The following COL28A1 variants were observed in gnomAD, a reference collection of about 807,000 sequenced individuals.
COL28A1 encodes the protein collagen type XXVIII alpha 1 chain.
COL28A1 carries 161 observed loss-of-function variants against 150.2 expected under a neutral mutation model. That is an observed-to-expected ratio of 1.07 (90% confidence interval 0.94 to 1.22). The LOEUF is 1.22. COL28A1 is among the 50% of genes most tolerant of loss of function. COL28A1 has a pLI of 0.00. For missense variants in COL28A1, 1,617 were observed against 1,388.3 expected, an observed-to-expected ratio of 1.16 and a Z score of -2.62; for synonymous variants, 552 against 469.7, an observed-to-expected ratio of 1.18 and a Z score of -2.26.
intron 27 of COL28A1, among the ~76,000 whole-genome samples, chr7:7,383,227 CA>C (rs1271924787): frequency 6.7e-6 from 1 of 150,274 alleles, no homozygotes; most frequent in Non-Finnish European, 1.5e-5. Context: ...AACTACATTT[CA>C]AAATAATACA....
At chr7:7,433,087 G>A (rs569640678) in intron 23 of COL28A1, among the ~76,000 whole-genome samples, 80 of 152,226 alleles carry the variant, frequency 5.3e-4, no homozygotes, top group Non-Finnish European at 7.9e-4. Flanking sequence ...GTTATGAAGG[G>A]ATAGAGTTTG....
chr7:7,498,362 C>G (rs1360661901), intron 11 of COL28A1, among the ~76,000 whole-genome samples: 1 of 152,136 alleles, frequency 6.6e-6, no homozygotes, highest in Non-Finnish European at 1.5e-5. Context: ...GGTGGACATG[C>G]TCCATTAACC....
At chr7:7,370,083 C>A (rs1781139939) in intron 33 of COL28A1, among the ~76,000 whole-genome samples, 1 of 152,108 alleles carries the variant, frequency 6.6e-6, no homozygotes, top group African/African-American at 2.4e-5. Context: ...GAAGTCAGTT[C>A]CCAGAAGCTT....
At chr7:7,527,139 G>A (rs896356479) in intron 3 of COL28A1, among the ~76,000 whole-genome samples, 1 of 152,142 alleles carries the variant, frequency 6.6e-6, no homozygotes, top group South Asian at 2.1e-4. Flanking sequence ...TTTTGTGTTT[G>A]CTGGAATTTA....
At chr7:7,540,139 T>C (rs549629747), upstream of COL28A1, among the ~76,000 whole-genome samples, 1 of 152,246 alleles carries the variant, frequency 6.6e-6, no homozygotes, top group Non-Finnish European at 1.5e-5. Flanking sequence ...TAGATTGATC[T>C]AGTCCTATCA....
chr7:7,487,163 AC>A (rs1317887785), intron 13 of COL28A1, among the ~76,000 whole-genome samples: 3 of 151,580 alleles, frequency 2.0e-5, no homozygotes, highest in Admixed American at 6.6e-5. Flanking sequence ...TTAAAAAAAA[AC>A]ATTTTAAGAA....
intron 11 of COL28A1, among the ~76,000 whole-genome samples, chr7:7,503,953 T>C (rs551659630): frequency 4.7e-4 from 72 of 152,320 alleles, no homozygotes; most frequent in African/African-American, 1.7e-3. Context: ...AGTGGCAATT[T>C]CATGTCATGT....
chr7:7,431,446 G>A, intron 25 of COL28A1: 1 of 457,354 alleles, frequency 2.2e-6, no homozygotes, highest in Non-Finnish European at 4.6e-6. Context: ...GGTTGGGGTA[G>A]TAATGCTTTC....
chr7:7,407,874 G>T (rs914810119), intron 27 of COL28A1, among the ~76,000 whole-genome samples: 14 of 152,060 alleles, frequency 9.2e-5, no homozygotes, highest in African/African-American at 3.4e-4. Context: ...GAATTTAAGT[G>T]TTAGAGGATT....
In COL28A1 at chr7:7,367,164, G is replaced by A. The variant is rs897645887; in HGVS notation, c.3066+3561C>T. Among the ~76,000 whole-genome samples, 47 of 152,166 alleles carry A rather than the reference G, an allele frequency of 3.1e-4. 1 individual carries two copies. Among genetic ancestry groups the A allele is most frequent in the Non-Finnish European group, 5.9e-5 (4 of 68,042 alleles). On this transcript the variant is annotated intron_variant, in intron 33 of 34. Coordinates refer to ENST00000399429, the MANE Select transcript of COL28A1 (RefSeq NM_001037763.3). ...CTACAGTAGTACAGTGATATGCTGT[G>A]CAGGTTTGTAGCCTAGAAGCAATAG...
At chr7:7,348,740 G>T in the COL28A1 span, among the ~76,000 whole-genome samples, 11 of 151,390 alleles carry the variant, frequency 7.3e-5, no homozygotes, top group Non-Finnish European at 1.2e-4. Flanking sequence ...GTAGACATTT[G>T]GTGCTATAAA....
At chr7:7,474,563 T>C in intron 15 of COL28A1, 38 bp downstream of exon 15, 1 of 877,452 alleles carries the variant, frequency 1.1e-6, no homozygotes. Flanking sequence ...GACAATTTTA[T>C]TGGCATTGTT....
chr7:7,353,997 G>A (rs1780291340), downstream of COL28A1, among the ~76,000 whole-genome samples: 1 of 151,654 alleles, frequency 6.6e-6, no homozygotes, highest in Non-Finnish European at 1.5e-5. Context: ...TTCATGCGGA[G>A]GACAACTAAA....
intron 27 of COL28A1, among the ~76,000 whole-genome samples, chr7:7,392,094 T>C (rs1425325677): frequency 2.0e-5 from 3 of 152,228 alleles, no homozygotes; most frequent in Non-Finnish European, 4.4e-5. Flanking sequence ...GAATTTGGTA[T>C]GTTTCTGGCA....
intron 34 of COL28A1, among the ~76,000 whole-genome samples, chr7:7,359,614 A>G (rs1780532919): frequency 1.3e-5 from 2 of 152,320 alleles, no homozygotes; most frequent in East Asian, 3.9e-4. Context: ...AAAAATCCCC[A>G]AATAGATAAT....
At chr7:7,534,437 T>C (rs1050459464) in intron 1 of COL28A1, among the ~76,000 whole-genome samples, 2 of 152,154 alleles carry the variant, frequency 1.3e-5, no homozygotes, top group Non-Finnish European at 2.9e-5. Flanking sequence ...GATAAGGCTA[T>C]GTGAAAAACA....
chr7:7,498,709 A>G (rs1780353144), intron 11 of COL28A1, among the ~76,000 whole-genome samples: 1 of 152,204 alleles, frequency 6.6e-6, no homozygotes, highest in Non-Finnish European at 1.5e-5. Context: ...ACTTACTTGA[A>G]ATAAATAAGG....
downstream of COL28A1, among the ~76,000 whole-genome samples, chr7:7,352,428 G>A (rs1196639236): frequency 2.0e-5 from 3 of 152,124 alleles, no homozygotes; most frequent in Non-Finnish European, 4.4e-5. Flanking sequence ...TAACTAAACT[G>A]AAGGACTTTG....
chr7:7,423,437 A>G (rs908544850), intron 25 of COL28A1, among the ~76,000 whole-genome samples: 15 of 152,176 alleles, frequency 9.9e-5, no homozygotes, highest in African/African-American at 3.1e-4. Context: ...CCCCCTTAAT[A>G]ATAATTCATG....
Sources: allele counts gnomAD v4.1 joint callset (sites outside exome capture counted in the v4.1 genomes callset), GRCh38; gene constraint gnomAD v4.1.1; transcripts MANE v1.5; gene names NCBI Gene and HGNC (gene_info 2026-07-23, HGNC 2026-07-21).